Variants in SKA2 observed in about 807,000 individuals in gnomAD.
SKA2 encodes spindle and kinetochore-associated protein 2.
Under a neutral mutation model 16.9 loss-of-function variants are expected in SKA2, and 13 were observed. The observed-to-expected ratio is 0.77, with a 90% CI of 0.50 to 1.22. The LOEUF is 1.22. SKA2 is among the 50% of genes most tolerant of loss of function. The pLI is 0.00. For missense variants in SKA2, 107 were observed against 139.7 expected, an observed-to-expected ratio of 0.77 and a Z score of 1.18; for synonymous variants, 47 against 48.5, an observed-to-expected ratio of 0.97 and a Z score of 0.13.
At chr17:59,117,996 G>C (rs1407879674) in intron 3 of SKA2, 2 of 152,252 alleles carry the variant, frequency 1.3e-5, no homozygotes, top group Non-Finnish European at 2.9e-5. Context: ...TGGACATGGT[G>C]GCTCACGCCT....
intron 2 of SKA2, among the ~76,000 whole-genome samples, chr17:59,129,677 A>C (rs1278623099): frequency 6.6e-6 from 1 of 151,832 alleles, no homozygotes; most frequent in Non-Finnish European, 1.5e-5. Flanking sequence ...AACATGGTGA[A>C]ACCCCATCTC....
At chr17:59,125,716 A>G (rs1000307472) in intron 2 of SKA2, among the ~76,000 whole-genome samples, 2 of 151,108 alleles carry the variant, frequency 1.3e-5, no homozygotes, top group African/African-American at 2.4e-5. Context: ...ACAAAAATAC[A>G]TAAAAATACT....
At chr17:59,146,041 T>C (rs1158757276) in intron 1 of SKA2, among the ~76,000 whole-genome samples, 1 of 151,972 alleles carries the variant, frequency 6.6e-6, no homozygotes, top group African/African-American at 2.4e-5. Flanking sequence ...GAAGCACTTT[T>C]ATCTACAATT....
In SKA2 at chr17:59,111,057, A is replaced by G. The variant is rs1446376950; in HGVS notation, c.*1220T>C. 1 of 152,182 alleles carries G rather than the reference A, an allele frequency of 6.6e-6. No homozygotes were observed. Among genetic ancestry groups the G allele is most frequent in the Non-Finnish European group, 1.5e-5 (1 of 68,038 alleles). The allele number at this position is 152,182 out of a possible 1,614,324, so 9.4% of individuals were successfully genotyped here. A position where few individuals can be genotyped will look rare whatever the true frequency, so the allele number is the denominator to read the frequency against. On this transcript the variant is annotated 3_prime_UTR_variant, in exon 4 of 4. Coordinates refer to ENST00000330137, the MANE Select transcript of SKA2 (RefSeq NM_182620.4). Reference sequence around the variant, plus strand: ...ATATCACTTATTGAAGGCTTACTAAATACTGAACCCTGTATTAAAACACTT... The same window carrying G: ...ATATCACTTATTGAAGGCTTACTAAGTACTGAACCCTGTATTAAAACACTT...
chr17:59,135,751 A>T (rs561649037), intron 1 of SKA2, among the ~76,000 whole-genome samples: 1 of 149,512 alleles, frequency 6.7e-6, no homozygotes, highest in African/African-American at 2.4e-5. Context: ...ATATTTAAAA[A>T]ATATATTTTT....
At chr17:59,146,372 G>T (rs1013803881) in intron 1 of SKA2, among the ~76,000 whole-genome samples, 1 of 152,102 alleles carries the variant, frequency 6.6e-6, no homozygotes, top group Non-Finnish European at 1.5e-5. Context: ...GGCGATGCAC[G>T]CCTGTAATCC....
rs868370175 is a variant in SKA2 at position 59,144,148 on chromosome 17, G to A, written c.33+10983C>T. On this transcript the variant is annotated intron_variant, in intron 1 of 3. Transcript: ENST00000330137. ...GCCGAGGTTGCAGTAAGCCGAGATC[G>A]CGCCACTGCACTCCAGCCTGATGAC... 2.6e-5 allele frequency among the ~76,000 whole-genome samples: 4 copies of A among 151,910 alleles called. No individual in the cohort carries two copies. In the East Asian group the frequency reaches 5.8e-4, roughly 22 times the overall value.
chr17:59,151,382 T>C (rs1300363864), intron 1 of SKA2, among the ~76,000 whole-genome samples: 2 of 152,196 alleles, frequency 1.3e-5, no homozygotes, highest in Non-Finnish European at 2.9e-5. Context: ...AATATCAAAG[T>C]GATGTTGCTT....
chr17:59,147,847 T>A (rs1460783744), intron 1 of SKA2, among the ~76,000 whole-genome samples: 38 of 144,656 alleles, frequency 2.6e-4, no homozygotes, highest in East Asian at 4.0e-4. Flanking sequence ...AAAAAAAAAA[T>A]TTTTTTTTTA....
intron 2 of SKA2, among the ~76,000 whole-genome samples, chr17:59,129,919 G>GGAA (rs2046399811): frequency 7.5e-6 from 1 of 133,860 alleles, no homozygotes; most frequent in African/African-American, 3.0e-5. Flanking sequence ...GAGGGAGGGA[G>GGAA]GGAAGGAAGG....
intron 2 of SKA2, chr17:59,124,327 G>C (rs1438558730): frequency 6.6e-6 from 1 of 151,970 alleles, no homozygotes; most frequent in East Asian, 1.9e-4. Context: ...ACCTACGCAG[G>C]AGACTGAGGT....
At chr17:59,141,695 AC>A (rs1278164861) in intron 1 of SKA2, among the ~76,000 whole-genome samples, 1 of 150,218 alleles carries the variant, frequency 6.7e-6, no homozygotes, top group African/African-American at 2.5e-5. Context: ...CTGCACTCCA[AC>A]CTGCATGACA....
chr17:59,153,282 T>C (rs2147824722), intron 1 of SKA2, among the ~76,000 whole-genome samples: 1 of 152,328 alleles, frequency 6.6e-6, no homozygotes, highest in Non-Finnish European at 1.5e-5. Context: ...GTCTTAACAT[T>C]TAAGCCTGTT....
chr17:59,141,302 CAGG>C (rs2046487209), intron 1 of SKA2, among the ~76,000 whole-genome samples: 1 of 151,954 alleles, frequency 6.6e-6, no homozygotes, highest in Admixed American at 6.6e-5. Flanking sequence ...GAGGCTGAGG[CAGG>C]AGAATTGCTT....
At chr17:59,116,099 G>A (rs759743667) in intron 3 of SKA2, among the ~76,000 whole-genome samples, 6 of 152,016 alleles carry the variant, frequency 3.9e-5, no homozygotes, top group Non-Finnish European at 7.4e-5. Context: ...ATGAGGGCAC[G>A]GAGGCTCACA....
intron 1 of SKA2, among the ~76,000 whole-genome samples, chr17:59,154,167 C>G (rs1310364254): frequency 7.8e-6 from 1 of 127,816 alleles, no homozygotes; most frequent in Non-Finnish European, 1.6e-5. Context: ...AGCAGCCCAA[C>G]CTGGGAAAAA....
intron 2 of SKA2, among the ~76,000 whole-genome samples, chr17:59,121,220 A>G (rs2046331461): frequency 6.6e-6 from 1 of 152,156 alleles, no homozygotes; most frequent in Non-Finnish European, 1.5e-5. Flanking sequence ...CAGCATCTCA[A>G]AAAGTTAACT....
At chr17:59,133,260 C>A (rs2046423034) in intron 1 of SKA2, among the ~76,000 whole-genome samples, 1 of 152,184 alleles carries the variant, frequency 6.6e-6, no homozygotes, top group South Asian at 2.1e-4. Flanking sequence ...CCATGTCCAG[C>A]CTAAAAGTGG....
intron 2 of SKA2, among the ~76,000 whole-genome samples, chr17:59,128,598 C>T (rs1214260420): frequency 6.6e-6 from 1 of 150,772 alleles, no homozygotes; most frequent in Non-Finnish European, 1.5e-5. Flanking sequence ...TTCACTCCAG[C>T]CTGGGTGACA....
Sources: gnomAD v4.1 joint callset for allele counts (sites outside exome capture counted in the v4.1 genomes callset) on GRCh38, gnomAD v4.1.1 for gene constraint, MANE v1.5 for transcripts, NCBI Gene and HGNC (gene_info 2026-07-23, HGNC 2026-07-21) for gene names.